The following NELL1 variants were observed in gnomAD, a reference collection of about 807,000 sequenced individuals.
NELL1 encodes protein kinase C-binding protein NELL1.
Under a neutral mutation model 107.4 loss-of-function variants are expected in NELL1, and 76 were observed. The ratio of observed to expected loss-of-function variants is 0.71; its 90% confidence interval spans 0.59 to 0.86. The LOEUF is 0.86. Ranked by LOEUF, NELL1 falls within the 40% of genes least tolerant of loss-of-function variation. NELL1 has a pLI of 0.00. For missense variants in NELL1, 1,024 were observed against 1,005.5 expected (o/e 1.02, Z -0.25); for synonymous variants, 353 against 341.2 (o/e 1.03, Z -0.38).
intron 13 of NELL1, among the ~76,000 whole-genome samples, chr11:21,207,152 A>G (rs906552582): frequency 2.6e-5 from 4 of 152,218 alleles, no homozygotes; most frequent in African/African-American, 7.2e-5. Context: ...GCATTTCTAA[A>G]TGATCTCTCT....
intron 12 of NELL1, among the ~76,000 whole-genome samples, chr11:21,043,345 A>G (rs542352968): frequency 2.0e-5 from 3 of 152,252 alleles, no homozygotes; most frequent in African/African-American, 7.2e-5. Flanking sequence ...GAGAAAAGAA[A>G]CAAATGGACA....
intron 12 of NELL1, among the ~76,000 whole-genome samples, chr11:20,976,940 A>G (rs1013280236): frequency 6.6e-6 from 1 of 151,338 alleles, no homozygotes; most frequent in African/African-American, 2.4e-5. Context: ...AATTTACTGA[A>G]CCTGTGTGCA....
At chr11:20,877,390 A>G (rs1052465870) in intron 4 of NELL1, among the ~76,000 whole-genome samples, 1 of 152,238 alleles carries the variant, frequency 6.6e-6, no homozygotes, top group African/African-American at 2.4e-5. Context: ...ATTCTTTTAT[A>G]TAATTAGGAA....
At chr11:21,541,898 A>G (rs995571174) in intron 16 of NELL1, among the ~76,000 whole-genome samples, 1 of 152,114 alleles carries the variant, frequency 6.6e-6, no homozygotes, top group African/African-American at 2.4e-5. Flanking sequence ...CAATAACAGT[A>G]ATACTAATAA....
chr11:20,751,910 G>T (rs1209898186), intron 2 of NELL1, among the ~76,000 whole-genome samples: 6 of 151,654 alleles, frequency 4.0e-5, no homozygotes, highest in African/African-American at 1.5e-4. Flanking sequence ...TTTATATATT[G>T]GCCATTCATC....
At chr11:20,825,073 TG>T (rs2134029301) in intron 3 of NELL1, among the ~76,000 whole-genome samples, 1 of 151,460 alleles carries the variant, frequency 6.6e-6, no homozygotes, top group South Asian at 2.1e-4. Context: ...CCCCAAGTCT[TG>T]GCAGACTTTA....
chr11:21,328,601 G>C (rs1305563279), intron 14 of NELL1, among the ~76,000 whole-genome samples: 1 of 152,070 alleles, frequency 6.6e-6, no homozygotes, highest in East Asian at 1.9e-4. Context: ...CTCCAGAATG[G>C]TATATCCACC....
chr11:20,729,268 T>A (rs1855576188), intron 2 of NELL1, among the ~76,000 whole-genome samples: 2 of 152,172 alleles, frequency 1.3e-5, no homozygotes. Context: ...TAGTTTAACT[T>A]CTTTTTTGAC....
chr11:21,170,215 T>C lies in NELL1; in HGVS notation c.1426+56501T>C, dbSNP rs535142036. ...TCCCAAAACTCATCTGTCGAACGTGTTGGGAAAATTTCTTGTCCTCTTGGT... is the reference window on the plus strand; with the variant it reads ...TCCCAAAACTCATCTGTCGAACGTGCTGGGAAAATTTCTTGTCCTCTTGGT... On this transcript the variant is annotated intron_variant, in intron 13 of 19. Coordinates refer to ENST00000357134, the MANE Select transcript of NELL1 (RefSeq NM_006157.5). 29 of 477,684 alleles carry C rather than the reference T, an allele frequency of 6.1e-5. 1 individual carries two copies. The Admixed American group carries it at 9.9e-4, about 16-fold the overall frequency. 29.6% of individuals were successfully genotyped at this position (477,684 alleles called of 1,614,324 possible). A position where few individuals can be genotyped will look rare whatever the true frequency, so the allele number is the denominator to read the frequency against.
chr11:21,086,030 T>C (rs1854383749), intron 12 of NELL1, among the ~76,000 whole-genome samples: 1 of 152,188 alleles, frequency 6.6e-6, no homozygotes, highest in East Asian at 1.9e-4. Flanking sequence ...TCTCCATTTT[T>C]CAGAATGCAA....
At chr11:21,368,988 A>T (rs780936374) in intron 14 of NELL1, among the ~76,000 whole-genome samples, 6 of 152,030 alleles carry the variant, frequency 3.9e-5, no homozygotes, top group Non-Finnish European at 8.8e-5. Context: ...TCTCCTCATA[A>T]AACCCTCCAC....
intron 7 of NELL1, among the ~76,000 whole-genome samples, chr11:20,923,210 G>C (rs1004135987): frequency 6.6e-6 from 1 of 152,096 alleles, no homozygotes; most frequent in African/African-American, 2.4e-5. Context: ...GTCAAAGTCA[G>C]AACCAAACAG....
intron 14 of NELL1, among the ~76,000 whole-genome samples, chr11:21,328,068 G>A (rs1237325195): frequency 6.6e-6 from 1 of 152,162 alleles, no homozygotes; most frequent in Non-Finnish European, 1.5e-5. Context: ...ATTTGCACAA[G>A]TAATGAGGGC....
chr11:20,915,964 A>G (rs1032731793), intron 5 of NELL1, among the ~76,000 whole-genome samples: 1 of 151,372 alleles, frequency 6.6e-6, no homozygotes, highest in African/African-American at 2.4e-5. Context: ...ACACACATGC[A>G]CTCAGACATC....
intron 3 of NELL1, among the ~76,000 whole-genome samples, chr11:20,843,869 T>C (rs1484801889): frequency 6.6e-6 from 1 of 152,114 alleles, no homozygotes; most frequent in Admixed American, 6.6e-5. Flanking sequence ...ATGATAATAC[T>C]GATTGTACCT....
chr11:21,185,273 C>T (rs1212864172), intron 13 of NELL1, among the ~76,000 whole-genome samples: 2 of 144,750 alleles, frequency 1.4e-5, no homozygotes, highest in Admixed American at 6.9e-5. Context: ...TAGGAACATA[C>T]TTGTATTTAA....
At chr11:21,565,779 C>A (rs113525645) in intron 17 of NELL1, among the ~76,000 whole-genome samples, 2 of 151,902 alleles carry the variant, frequency 1.3e-5, no homozygotes, top group Non-Finnish European at 2.9e-5. Flanking sequence ...GGCTTGGTTT[C>A]CTCTTCATTA....
intron 14 of NELL1, among the ~76,000 whole-genome samples, chr11:21,264,528 C>T (rs796875349): frequency 4.6e-5 from 7 of 151,900 alleles, no homozygotes; most frequent in African/African-American, 1.7e-4. Context: ...TAATATTGAC[C>T]AGGGCTAAAC....
At chr11:21,265,366 A>G (rs1232794961) in intron 14 of NELL1, among the ~76,000 whole-genome samples, 5 of 151,988 alleles carry the variant, frequency 3.3e-5, no homozygotes, top group Non-Finnish European at 7.4e-5. Flanking sequence ...GCTACAGTGG[A>G]TTTGGTATTA....
Sources: gnomAD v4.1 joint callset for allele counts (sites outside exome capture counted in the v4.1 genomes callset) on GRCh38, gnomAD v4.1.1 for gene constraint, MANE v1.5 for transcripts, NCBI Gene and HGNC (gene_info 2026-07-23, HGNC 2026-07-21) for gene names.